Variants in PBX1 observed in about 807,000 individuals in gnomAD.
The protein encoded by PBX1 is pre-B-cell leukemia transcription factor 1.
PBX1 carries 6 observed loss-of-function variants against 53.4 expected under a neutral mutation model. The ratio of observed to expected loss-of-function variants is 0.11; its 90% CI spans 0.06 to 0.22. PBX1 has a LOEUF of 0.22. Ranked by LOEUF, PBX1 falls within the 10% of genes least tolerant of loss-of-function variation. PBX1 has a pLI of 1.00. For synonymous variants in PBX1, 204 were observed against 212.3 expected (o/e 0.96, Z 0.34); for missense variants, 251 against 551.4 (o/e 0.46, Z 5.46).
intron 2 of PBX1, among the ~76,000 whole-genome samples, chr1:164,602,138 G>A (rs530117462): frequency 2.6e-5 from 4 of 152,278 alleles, no homozygotes; most frequent in East Asian, 3.9e-4. Flanking sequence ...TCTTCACTGT[G>A]GCCTTGGGAG....
At chr1:164,622,888 C>T (rs12093827) in intron 2 of PBX1, among the ~76,000 whole-genome samples, 3,313 of 146,094 alleles carry the variant, frequency 0.023, 115 homozygotes, top group African/African-American at 0.079. Context: ...GCACTTGGCT[C>T]ACTGCAACCT....
At chr1:164,782,501 A>G (rs187909796) in intron 2 of PBX1, among the ~76,000 whole-genome samples, 15 of 152,348 alleles carry the variant, frequency 9.8e-5, no homozygotes, top group Non-Finnish European at 1.8e-4. Context: ...TTAAGACTAA[A>G]TGATCGACGA....
At chr1:164,729,326 A>G (rs1664860810) in intron 2 of PBX1, among the ~76,000 whole-genome samples, 1 of 152,208 alleles carries the variant, frequency 6.6e-6, no homozygotes, top group Admixed American at 6.5e-5. Flanking sequence ...GATTCTGCTT[A>G]CTGAATTACC....
intron 3 of PBX1, among the ~76,000 whole-genome samples, chr1:164,794,893 A>T (rs1380284911): frequency 6.6e-6 from 1 of 152,124 alleles, no homozygotes. Context: ...CCATAATTGC[A>T]ATGGATGTTA....
chr1:164,595,966 A>G (rs1011995523), intron 2 of PBX1, among the ~76,000 whole-genome samples: 7 of 152,164 alleles, frequency 4.6e-5, no homozygotes, highest in Non-Finnish European at 1.0e-4. Context: ...GAAAAATGGA[A>G]AGTAGAATTT....
At chr1:164,884,499 T>C (rs1571559738) in intron 2 of PBX1, 1 of 486,914 alleles carries the variant, frequency 2.1e-6, no homozygotes, top group African/African-American at 2.0e-5. Flanking sequence ...GGATAGGGGG[T>C]GTTAAAGTTG....
At chr1:164,677,313 C>A (rs12132294) in intron 2 of PBX1, among the ~76,000 whole-genome samples, 1 of 150,810 alleles carries the variant, frequency 6.6e-6, no homozygotes, top group Non-Finnish European at 1.5e-5. Flanking sequence ...AGGATGGTCT[C>A]GATCTCCTGA....
chr1:164,794,455 G>A (rs1668688604), intron 3 of PBX1, among the ~76,000 whole-genome samples: 2 of 152,192 alleles, frequency 1.3e-5, no homozygotes, highest in Admixed American at 6.5e-5. Flanking sequence ...ATCAGACAAG[G>A]TGTAGGGAGG....
At position 164,846,919 on chromosome 1, in the gene PBX1, T is replaced by A; in HGVS notation, c.*243T>A. ...CCTTCCCTGCCTCCAGCTGTCAGCC[T>A]GGTTTTCGTCATCTTCCCTGCCCCT... is the stretch of plus-strand genomic sequence containing the variant. On this transcript the variant is annotated 3_prime_UTR_variant, in exon 9 of 9. Transcript: ENST00000420696. The A allele has an allele frequency of 1.5e-6, 2 of 1,367,608 alleles. No homozygotes were observed. Among genetic ancestry groups the A allele is most frequent in the South Asian group, 3.7e-5 (2 of 53,382 alleles). The allele number at this position is 1,367,608 out of a possible 1,614,324, so 84.7% of individuals were successfully genotyped here. A position where few individuals can be genotyped will look rare whatever the true frequency, so the allele number is the denominator to read the frequency against.
At chr1:164,631,491 G>T (rs1571107949) in intron 2 of PBX1, among the ~76,000 whole-genome samples, 1 of 152,204 alleles carries the variant, frequency 6.6e-6, no homozygotes, top group East Asian at 1.9e-4. Context: ...GAGGTGTAAG[G>T]TACAAAGCAT....
chr1:164,885,552 C>T (rs1318115963), intron 2 of PBX1, among the ~76,000 whole-genome samples: 2 of 152,158 alleles, frequency 1.3e-5, no homozygotes, highest in Non-Finnish European at 2.9e-5. Flanking sequence ...CACACTACGT[C>T]GCTGGGCAGG....
intron 8 of PBX1, among the ~76,000 whole-genome samples, chr1:164,826,598 T>A (rs893275967): frequency 6.6e-6 from 1 of 151,940 alleles, no homozygotes; most frequent in African/African-American, 2.4e-5. Context: ...AGAGATGGGG[T>A]TTCACCATGT....
At position 164,830,244 on chromosome 1, in the gene PBX1, G is replaced by A. The variant is rs187374240; in HGVS notation, c.1200+8618G>A. ...AAATAATTTACTAATCAACTACAAA[G>A]CATTAGCAGAATAAAATTGGCAGGA... On this transcript the variant is annotated intron_variant, in intron 8 of 8. Transcript: ENST00000420696. Among the ~76,000 whole-genome samples, 529 of 152,252 alleles carry A rather than the reference G, an allele frequency of 3.5e-3. 3 individuals are homozygous for A. Among genetic ancestry groups the A allele is most frequent in the Middle Eastern group, 6.8e-3 (2 of 294 alleles).
downstream of PBX1, among the ~76,000 whole-genome samples, chr1:164,853,544 G>A (rs1462168074): frequency 6.6e-6 from 1 of 152,188 alleles, no homozygotes; most frequent in Admixed American, 6.5e-5. Context: ...ATCCAATATT[G>A]CCCACTTAAA....
Position 164,796,522 on chromosome 1 carries a change from A to C in PBX1, c.511-3177A>C, listed in dbSNP as rs551837667. The stretch of plus-strand genomic sequence containing the variant: ...TTCAGTTCATAGCTAAGAGAGCCCT[A>C]AGATCCCAGTTACTTTTGTTGATGA... On this transcript the variant is annotated intron_variant, in intron 3 of 8. Transcript: ENST00000420696. 1.3e-3 allele frequency among the ~76,000 whole-genome samples: 195 copies of C among 152,308 alleles called. 2 individuals carry two copies. Among genetic ancestry groups the C allele is most frequent in the African/African-American group, 4.6e-3 (192 of 41,564 alleles).
intron 2 of PBX1, among the ~76,000 whole-genome samples, chr1:164,681,432 G>A (rs1049753084): frequency 6.6e-6 from 1 of 152,030 alleles, no homozygotes; most frequent in African/African-American, 2.4e-5. Flanking sequence ...GAAAAACTAA[G>A]CATTTAAAAT....
In PBX1 at chr1:164,792,780, G is replaced by A. The variant is rs1668584942; in HGVS notation, c.510+42G>A. ...GGGGCTCGGCACCCAGGCCCTTTAG[G>A]AAAGGGTGGAGGAAGCACAACCCCG... On this transcript the variant is annotated intron_variant, in intron 3 of 8. Coordinates refer to ENST00000420696, the MANE Select transcript of PBX1 (RefSeq NM_002585.4). 9.5e-6 allele frequency: 14 copies of A among 1,470,722 alleles called. No homozygotes were observed. In the East Asian group the frequency reaches 3.2e-4, roughly 34 times the overall value. The allele number at this position is 1,470,722 out of a possible 1,614,324, so 91.1% of individuals were successfully genotyped here.
At position 164,806,016 on chromosome 1, in the gene PBX1, T is replaced by G. The variant is rs76268167; in HGVS notation, c.702-1526T>G. ...CTAGCAAGGCCATCAGTGCTTTCTG[T>G]TGGCTAAATTGGGAAATCCTATATC... On this transcript the variant is annotated intron_variant, in intron 4 of 8. Transcript: ENST00000420696. 6.3e-3 allele frequency among the ~76,000 whole-genome samples: 959 copies of G among 152,330 alleles called. 10 individuals carry two copies. Among genetic ancestry groups the G allele is most frequent in the African/African-American group, 0.022 (907 of 41,568 alleles).
intron 2 of PBX1, among the ~76,000 whole-genome samples, chr1:164,710,372 G>T (rs148409081): frequency 1.8e-4 from 27 of 152,078 alleles, no homozygotes; most frequent in African/African-American, 4.6e-4. Flanking sequence ...TATATTGAGC[G>T]TGTAGGCAGG....
Sources: gnomAD v4.1 joint callset for allele counts (sites outside exome capture counted in the v4.1 genomes callset) on GRCh38, gnomAD v4.1.1 for gene constraint, MANE v1.5 for transcripts, NCBI Gene and HGNC (gene_info 2026-07-23, HGNC 2026-07-21) for gene names.